The following BBS9 variants were observed in gnomAD, a reference collection of about 807,000 sequenced individuals.
BBS9 encodes protein PTHB1.
Under a neutral mutation model 117.7 loss-of-function variants are expected in BBS9, and 89 were observed. The observed-to-expected ratio is 0.76, with a 90% CI of 0.64 to 0.90. BBS9 has a LOEUF of 0.90. Among genes scored for constraint, BBS9 ranks in the 40% least tolerant of loss-of-function variants. The pLI is 0.00. For synonymous variants in BBS9, 379 were observed against 370.9 expected (o/e 1.02, Z -0.25); for missense variants, 982 against 1,042.2 (o/e 0.94, Z 0.80).
intron 9 of BBS9, among the ~76,000 whole-genome samples, chr7:33,302,435 C>T (rs937528520): frequency 2.0e-5 from 3 of 152,038 alleles, no homozygotes; most frequent in Non-Finnish European, 4.4e-5. Context: ...TCTTTAATCC[C>T]TTTTTATTTG....
intron 21 of BBS9, among the ~76,000 whole-genome samples, chr7:33,630,322 A>C (rs960353573): frequency 6.6e-6 from 1 of 152,236 alleles, no homozygotes; most frequent in Non-Finnish European, 1.5e-5. Flanking sequence ...AAAGCATGTA[A>C]GAGAAATTTA....
intron 20 of BBS9, 141 bp downstream of exon 20, chr7:33,505,786 T>A: frequency 1.1e-6 from 1 of 877,230 alleles, no homozygotes; most frequent in Non-Finnish European, 1.7e-6. Context: ...TCCTTGTCTT[T>A]AAACCATAAT....
At chr7:33,304,626 C>T (rs893200275) in intron 9 of BBS9, among the ~76,000 whole-genome samples, 2 of 152,056 alleles carry the variant, frequency 1.3e-5, no homozygotes, top group African/African-American at 4.8e-5. Context: ...GCAGGTGTAC[C>T]CAACAGCTTG....
At chr7:33,550,180 A>G (rs543750028) in intron 21 of BBS9, among the ~76,000 whole-genome samples, 2 of 152,096 alleles carry the variant, frequency 1.3e-5, no homozygotes, top group Non-Finnish European at 2.9e-5. Context: ...TTCAAGTTCT[A>G]CTCCCAGTAT....
chr7:33,476,595 G>C (rs1401338724), intron 19 of BBS9, among the ~76,000 whole-genome samples: 2 of 152,276 alleles, frequency 1.3e-5, no homozygotes, highest in East Asian at 3.9e-4. Flanking sequence ...CAGCCTGAGG[G>C]GGTGGTATTG....
Position 33,353,343 on chromosome 7 carries a change from A to G in BBS9, c.1552+470A>G, listed in dbSNP as rs546934281. Among the ~76,000 whole-genome samples, 144 of 152,154 alleles carry G rather than the reference A, an allele frequency of 9.5e-4. 1 individual carries two copies. Among genetic ancestry groups the G allele is most frequent in the Non-Finnish European group, 1.8e-3 (125 of 68,010 alleles). ...TGTGGGCATATTCCTTGTCTTGTTTAGAATTTGTAGGGGAATGTTATCAAA... is the reference window on the plus strand; with the variant it reads ...TGTGGGCATATTCCTTGTCTTGTTTGGAATTTGTAGGGGAATGTTATCAAA... On this transcript the variant is annotated intron_variant, in intron 15 of 22. Coordinates refer to ENST00000242067, the MANE Select transcript of BBS9 (RefSeq NM_198428.3).
rs1263541521 is a variant in BBS9, at chr7:33,357,848, A to G, written c.1553-7A>G. On this transcript the variant is annotated splice_polypyrimidine_tract_variant and splice_region_variant and intron_variant, in intron 15 of 22. Coordinates refer to ENST00000242067, the MANE Select transcript of BBS9 (RefSeq NM_198428.3). ...CTATGAATCTACATATCTCTCTTTT[A>G]TTTTAGGCATTCCGCGAGTTATCCA... 6.2e-7 allele frequency: 1 copy of G among 1,610,356 alleles called. No homozygotes were observed. Among genetic ancestry groups the G allele is most frequent in the Non-Finnish European group, 8.5e-7 (1 of 1,177,050 alleles).
chr7:33,504,845 G>A (rs1475992119), intron 19 of BBS9, among the ~76,000 whole-genome samples: 1 of 149,886 alleles, frequency 6.7e-6, no homozygotes, highest in Non-Finnish European at 1.5e-5. Flanking sequence ...AACACACCCT[G>A]AACTTTTTTT....
At chr7:33,200,034 C>T (rs1044187607) in intron 5 of BBS9, among the ~76,000 whole-genome samples, 62 of 152,020 alleles carry the variant, frequency 4.1e-4, no homozygotes, top group African/African-American at 1.5e-3. Flanking sequence ...TCTGATGGTT[C>T]ACTCCTTATC....
intron 19 of BBS9, among the ~76,000 whole-genome samples, chr7:33,411,415 A>G (rs1330260341): frequency 2.0e-5 from 3 of 152,170 alleles, no homozygotes; most frequent in Non-Finnish European, 4.4e-5. Flanking sequence ...CTCAATACAG[A>G]TGCAATCTTT....
In BBS9 at chr7:33,505,544, T is replaced by A; in HGVS notation, c.2197T>A (p.Leu733Met). 1 of 1,614,106 alleles carries A rather than the reference T, an allele frequency of 6.2e-7. No individual in the cohort carries two copies. The highest frequency in any genetic ancestry group is 8.5e-7 in the Non-Finnish European group (1 of 1,179,980). Residue 733 changes from leucine to methionine, a missense_variant, in exon 20 of 23, where the codon TTG (leucine) becomes ATG (methionine). Coordinates refer to ENST00000242067, the MANE Select transcript of BBS9 (RefSeq NM_198428.3). ...SFTRLKSATH[L>M]VILLIALWQK... ...CACCAGGCTGAAGAGTGCCACCCAT[T>A]TGGTGATTCTGCTGATCGCGCTGTG...
chr7:33,442,124 T>C (rs1302344722), intron 19 of BBS9, among the ~76,000 whole-genome samples: 1 of 152,162 alleles, frequency 6.6e-6, no homozygotes, highest in Non-Finnish European at 1.5e-5. Context: ...ACTCCTGACC[T>C]TAGGTGATCC....
intron 20 of BBS9, among the ~76,000 whole-genome samples, chr7:33,510,023 T>C (rs185659673): frequency 2.0e-5 from 3 of 152,268 alleles, no homozygotes; most frequent in African/African-American, 7.2e-5. Context: ...ATGGGCCAGA[T>C]GTGTTTTTGT....
intron 21 of BBS9, among the ~76,000 whole-genome samples, chr7:33,630,768 C>T (rs1411079125): frequency 1.3e-5 from 2 of 151,936 alleles, no homozygotes; most frequent in South Asian, 2.1e-4. Context: ...ACATTGCACT[C>T]CTCTGGATGC....
Position 33,388,106 on chromosome 7 carries a change from CA to C in BBS9, c.2079del (p.Gln693HisfsTer7). ...RFKDKTPAPL[Q>X]HLDTLLDGTY... Reference sequence around the variant, plus strand: ...CAAAGATAAAACTCCTGCCCCTCTTCAACACCTGGACACCTTGTTAGATGGA... The same window carrying C: ...CAAAGATAAAACTCCTGCCCCTCTTCACACCTGGACACCTTGTTAGATGGA... On this transcript the variant is annotated frameshift_variant, in exon 19 of 23. Coordinates refer to ENST00000242067, the MANE Select transcript of BBS9 (RefSeq NM_198428.3). LOFTEE classifies it high-confidence loss of function. 1 of 1,614,170 alleles carries C rather than the reference CA, an allele frequency of 6.2e-7. No individual in the cohort carries two copies. Among genetic ancestry groups the C allele is most frequent in the East Asian group, 2.2e-5 (1 of 44,882 alleles).
chr7:33,283,493 CT>C (rs1234894744), intron 9 of BBS9, among the ~76,000 whole-genome samples: 2 of 151,434 alleles, frequency 1.3e-5, no homozygotes, highest in African/African-American at 4.9e-5. Context: ...TGTATTTATT[CT>C]CATTTAAAAA....
chr7:33,552,464 C>T (rs1418501061), intron 21 of BBS9, among the ~76,000 whole-genome samples: 1 of 152,142 alleles, frequency 6.6e-6, no homozygotes, highest in Admixed American at 6.6e-5. Context: ...CTTGAAACCC[C>T]ATGGGTTTCT....
intron 19 of BBS9, among the ~76,000 whole-genome samples, chr7:33,474,111 A>G (rs1841470415): frequency 1.3e-5 from 2 of 152,232 alleles, no homozygotes; most frequent in Admixed American, 6.5e-5. Flanking sequence ...GATTTCAAGT[A>G]TACTGAGCTT....
intron 21 of BBS9, among the ~76,000 whole-genome samples, chr7:33,625,453 A>G (rs994768657): frequency 6.6e-6 from 1 of 152,174 alleles, no homozygotes; most frequent in Non-Finnish European, 1.5e-5. Context: ...TAGGTGGAAG[A>G]CTTAAGGAAA....
Sources: gnomAD v4.1 joint callset for allele counts (sites outside exome capture counted in the v4.1 genomes callset) on GRCh38, gnomAD v4.1.1 for gene constraint, MANE v1.5 for transcripts, NCBI Gene and HGNC (gene_info 2026-07-23, HGNC 2026-07-21) for gene names.